Variants in RABGAP1L observed in about 807,000 individuals in gnomAD.
The protein encoded by RABGAP1L is rab GTPase-activating protein 1-like.
Under a neutral mutation model 137.7 loss-of-function variants are expected in RABGAP1L, and 63 were observed. The observed-to-expected ratio is 0.46, with a 90% confidence interval of 0.37 to 0.56. The LOEUF (loss-of-function observed/expected upper bound fraction) is 0.56, where lower values mean the gene tolerates loss of function less well. RABGAP1L is among the 20% of genes least tolerant of loss of function. RABGAP1L has a pLI of 0.00. For missense variants in RABGAP1L, 1,095 were observed against 1,244.0 expected (o/e 0.88, Z 1.80); for synonymous variants, 431 against 433.7 (o/e 0.99, Z 0.08).
intron 19 of RABGAP1L, among the ~76,000 whole-genome samples, chr1:174,888,845 G>A (rs1655622161): frequency 6.6e-6 from 1 of 152,066 alleles, no homozygotes; most frequent in African/African-American, 2.4e-5. Context: ...ATTGTGCCTG[G>A]GGGAATTATA....
intron 19 of RABGAP1L, among the ~76,000 whole-genome samples, chr1:174,896,621 G>T (rs1318700588): frequency 1.3e-5 from 2 of 152,178 alleles, no homozygotes; most frequent in East Asian, 1.9e-4. Flanking sequence ...TTTGTATAAG[G>T]TATAAGGAAG....
chr1:174,923,265 A>T (rs1662129420), intron 19 of RABGAP1L, among the ~76,000 whole-genome samples: 1 of 152,170 alleles, frequency 6.6e-6, no homozygotes, highest in South Asian at 2.1e-4. Flanking sequence ...GTTAGTCATT[A>T]TTATCATTAC....
chr1:174,504,779 T>C (rs1410368708), intron 13 of RABGAP1L, among the ~76,000 whole-genome samples: 1 of 152,054 alleles, frequency 6.6e-6, no homozygotes, highest in Non-Finnish European at 1.5e-5. Flanking sequence ...TAGAAGACAG[T>C]GTAGGGGAAA....
At chr1:174,878,925 G>GTT (rs869251284) in intron 19 of RABGAP1L, among the ~76,000 whole-genome samples, 2,206 of 85,164 alleles carry the variant, frequency 0.026, 215 homozygotes, top group African/African-American at 0.04. Context: ...TTTGTGCATT[G>GTT]TTTTTTTTTT....
intron 19 of RABGAP1L, among the ~76,000 whole-genome samples, chr1:174,908,092 A>G (rs1659409973): frequency 6.6e-6 from 1 of 152,242 alleles, no homozygotes; most frequent in African/African-American, 2.4e-5. Context: ...AAAAGGGTCA[A>G]TTAAGCAAGA....
chr1:174,430,393 C>T (rs1307269251), intron 13 of RABGAP1L, among the ~76,000 whole-genome samples: 1 of 151,926 alleles, frequency 6.6e-6, no homozygotes. Context: ...AAGGCCTTAC[C>T]ACTTCTTATA....
chr1:174,656,955 G>C (rs907816004), intron 14 of RABGAP1L, among the ~76,000 whole-genome samples: 4 of 152,126 alleles, frequency 2.6e-5, no homozygotes, highest in African/African-American at 9.7e-5. Flanking sequence ...GTCAGCCAAA[G>C]GCAAGAGTGT....
At chr1:174,473,259 G>C (rs551254337) in intron 13 of RABGAP1L, among the ~76,000 whole-genome samples, 2 of 152,280 alleles carry the variant, frequency 1.3e-5, no homozygotes, top group East Asian at 3.9e-4. Flanking sequence ...TTTGCTGAAG[G>C]CACCATCTCT....
At chr1:174,475,643 C>T (rs912950630) in intron 13 of RABGAP1L, among the ~76,000 whole-genome samples, 1 of 151,790 alleles carries the variant, frequency 6.6e-6, no homozygotes, top group Non-Finnish European at 1.5e-5. Flanking sequence ...AATGGTGGTT[C>T]ACACATACAA....
chr1:174,964,008 A>G (rs909553228), intron 20 of RABGAP1L, among the ~76,000 whole-genome samples: 1 of 152,194 alleles, frequency 6.6e-6, no homozygotes, highest in African/African-American at 2.4e-5. Context: ...TTCCACTACA[A>G]AGATAAAATT....
intron 13 of RABGAP1L, among the ~76,000 whole-genome samples, chr1:174,532,437 GA>G (rs1664503108): frequency 1.3e-5 from 2 of 152,110 alleles, no homozygotes; most frequent in South Asian, 4.2e-4. Flanking sequence ...TTGAACTCCT[GA>G]CCTCATGATC....
Position 174,944,274 on chromosome 1 carries a change from C to CAA in RABGAP1L, c.2341-13163_2341-13162dup, listed in dbSNP as rs56225773. 4.7e-3 allele frequency among the ~76,000 whole-genome samples: 237 copies of CAA among 50,526 alleles called. 3 individuals are homozygous for CAA. The highest frequency in any genetic ancestry group is 0.016 in the Middle Eastern group (1 of 64). The allele number at this position is 50,526 out of a possible 152,430, so 33.1% of individuals were successfully genotyped here. A position where few individuals can be genotyped will look rare whatever the true frequency, so the allele number is the denominator to read the frequency against. On this transcript the variant is annotated intron_variant, in intron 19 of 25. Transcript: ENST00000681986. ...CCTGGGCAACAGAACAAGACTGTCT[C>CAA]AAAAAAAAAAAAAAAAAAAAAGCAA...
At chr1:174,575,075 C>T (rs1195157675) in intron 13 of RABGAP1L, among the ~76,000 whole-genome samples, 1 of 152,134 alleles carries the variant, frequency 6.6e-6, no homozygotes, top group Non-Finnish European at 1.5e-5. Context: ...GGATTACAGG[C>T]ATGCGCCACC....
intron 16 of RABGAP1L, chr1:174,700,956 C>A: frequency 1.2e-6 from 1 of 836,988 alleles, no homozygotes; most frequent in Non-Finnish European, 1.6e-6. Context: ...CCACATTTTT[C>A]TGTTAGCAGT....
At chr1:174,724,663 AAC>A (rs1244095804) in intron 17 of RABGAP1L, among the ~76,000 whole-genome samples, 1 of 152,234 alleles carries the variant, frequency 6.6e-6, no homozygotes, top group Non-Finnish European at 1.5e-5. Flanking sequence ...GTCCTAACAT[AAC>A]ATATGGTTAA....
rs146833422 is a variant in RABGAP1L at position 174,426,245 on chromosome 1, G to A, written c.1710+32100G>A. On this transcript the variant is annotated intron_variant, in intron 13 of 25. Coordinates refer to ENST00000681986, the MANE Select transcript of RABGAP1L (RefSeq NM_001366446.1). ...TCCCATAATGACATTCAGCTTGGGC[G>A]GTACATTTATAAAAGTAGTTATTAA... 6.8e-4 allele frequency among the ~76,000 whole-genome samples: 104 copies of A among 151,968 alleles called. 1 individual carries two copies. Among genetic ancestry groups the A allele is most frequent in the African/African-American group, 2.3e-3 (95 of 41,480 alleles).
intron 19 of RABGAP1L, among the ~76,000 whole-genome samples, chr1:174,947,212 CTT>C (rs750993057): frequency 4.2e-5 from 5 of 119,382 alleles, no homozygotes; most frequent in East Asian, 2.1e-4. Flanking sequence ...TAATTTTTTT[CTT>C]TTTTTTTTTT....
intron 13 of RABGAP1L, among the ~76,000 whole-genome samples, chr1:174,543,944 A>G (rs1176981175): frequency 6.6e-6 from 1 of 152,118 alleles, no homozygotes; most frequent in African/African-American, 2.4e-5. Flanking sequence ...CTGGCTTGTA[A>G]ACTTTCTGCC....
chr1:174,823,537 C>A (rs1691256265), intron 19 of RABGAP1L, among the ~76,000 whole-genome samples: 1 of 152,108 alleles, frequency 6.6e-6, no homozygotes, highest in South Asian at 2.1e-4. Context: ...TGTTGCTTCT[C>A]ACTGGAAATA....
Sources: gnomAD v4.1 joint callset for allele counts (sites outside exome capture counted in the v4.1 genomes callset) on GRCh38, gnomAD v4.1.1 for gene constraint, MANE v1.5 for transcripts, NCBI Gene and HGNC (gene_info 2026-07-23, HGNC 2026-07-21) for gene names.